AZI2: variants seen among roughly 807,000 people sequenced by gnomAD.
AZI2 encodes 5-azacytidine induced 2, also known as 5-azacytidine-induced protein 2.
Under a neutral mutation model 45.8 loss-of-function variants are expected in AZI2, and 22 were observed. That is an observed-to-expected ratio of 0.48 (90% CI 0.34 to 0.69). The LOEUF is 0.69. Ranked by LOEUF, AZI2 falls within the 30% of genes least tolerant of loss-of-function variation. The pLI is 0.01. For synonymous variants in AZI2, 137 were observed against 156.7 expected, an observed-to-expected ratio of 0.87 and a Z score of 0.94; for missense variants, 417 against 441.5, an observed-to-expected ratio of 0.94 and a Z score of 0.50.
chr3:28,325,337 G>A (rs1340441283), intron 7 of AZI2, among the ~76,000 whole-genome samples: 1 of 151,074 alleles, frequency 6.6e-6, no homozygotes, highest in Non-Finnish European at 1.5e-5. Flanking sequence ...TTGACTTCAT[G>A]TAATTTTAGA....
At chr3:28,328,565 G>A (rs748390619) in intron 6 of AZI2, among the ~76,000 whole-genome samples, 1 of 151,020 alleles carries the variant, frequency 6.6e-6, no homozygotes, top group Non-Finnish European at 1.5e-5. Context: ...TTCTAGTAAC[G>A]TTTACAGTGC....
In AZI2 at chr3:28,323,791, TTAAG is replaced by T; in HGVS notation, c.*247_*250del. 1 of 306,174 alleles carries T rather than the reference TTAAG, an allele frequency of 3.3e-6. No homozygotes were observed. The highest frequency in any genetic ancestry group is 5.9e-6 in the Non-Finnish European group (1 of 168,210). The allele number at this position is 306,174 out of a possible 1,614,324, so 19.0% of individuals were successfully genotyped here. A position where few individuals can be genotyped will look rare whatever the true frequency, so the allele number is the denominator to read the frequency against. On this transcript the variant is annotated 3_prime_UTR_variant, in exon 8 of 8. Transcript: ENST00000479665. ...TAGAAGGCAGAGTTTTTTAAACACCTTAAGTTTACTTATTAATTAGTATAGTAGC... is the reference window on the plus strand; with the variant it reads ...TAGAAGGCAGAGTTTTTTAAACACCTTTTACTTATTAATTAGTATAGTAGC...
chr3:28,322,798 G>A lies in AZI2; in HGVS notation c.*1244C>T, dbSNP rs1559453652. Reference sequence around the variant, plus strand: ...CTAGTGAATGGCGAACATTGTCTATGTATGTATGCTATTCAGTAATACAGT... The same window carrying A: ...CTAGTGAATGGCGAACATTGTCTATATATGTATGCTATTCAGTAATACAGT... On this transcript the variant is annotated 3_prime_UTR_variant, in exon 8 of 8. Transcript: ENST00000479665. The A allele has an allele frequency of 6.6e-6, 1 of 151,442 alleles. No individual in the cohort carries two copies. The highest frequency in any genetic ancestry group is 2.4e-5 in the African/African-American group (1 of 41,262). The allele number at this position is 151,442 out of a possible 1,614,324, so 9.4% of individuals were successfully genotyped here.
At chr3:28,340,729 A>C (rs545393735) in intron 1 of AZI2, 107 bp from the exon 2 acceptor site, 6 of 862,400 alleles carry the variant, frequency 7.0e-6, no homozygotes, top group Middle Eastern at 3.6e-4. Flanking sequence ...ATGTTTAAAA[A>C]CCAGACTGCC....
rs937732691 is a variant in AZI2, at chr3:28,331,638, A to C, written c.647+731T>G. 8 of 1,204,442 alleles carry C rather than the reference A, an allele frequency of 6.6e-6. No homozygotes were observed. The African/African-American group carries it at 1.2e-4, about 19-fold the overall frequency. The allele number at this position is 1,204,442 out of a possible 1,614,324, so 74.6% of individuals were successfully genotyped here. A position where few individuals can be genotyped will look rare whatever the true frequency, so the allele number is the denominator to read the frequency against. On this transcript the variant is annotated intron_variant, in intron 6 of 7. Transcript: ENST00000479665. Reference sequence around the variant, plus strand: ...TAGAAATTGGCCTGACACAATTCACATTATTTACTTAGGTCAGTAAACTTT... The same window carrying C: ...TAGAAATTGGCCTGACACAATTCACCTTATTTACTTAGGTCAGTAAACTTT...
chr3:28,345,385 C>T (rs1433223516), intron 1 of AZI2, among the ~76,000 whole-genome samples: 2 of 152,094 alleles, frequency 1.3e-5, no homozygotes, highest in African/African-American at 4.8e-5. Context: ...TCACATTCAT[C>T]ATCTCATCAC....
chr3:28,331,677 TA>T, intron 6 of AZI2: 2 of 1,290,570 alleles, frequency 1.5e-6, no homozygotes, highest in South Asian at 2.3e-5. Flanking sequence ...AGCCAAATGA[TA>T]AAACAATGAA....
Position 28,335,244 on chromosome 3 carries a change from T to C in AZI2, c.588+1493A>G, listed in dbSNP as rs6793677. Among the ~76,000 whole-genome samples the C allele has an allele frequency of 1.6e-3, 247 of 152,156 alleles. 3 individuals are homozygous for C. Among genetic ancestry groups the C allele is most frequent in the African/African-American group, 5.6e-3 (232 of 41,566 alleles). On this transcript the variant is annotated intron_variant, in intron 5 of 7. Transcript: ENST00000479665. ...TAAGTTTCCGATTCCATGGTACTGC[T>C]TGCTACACTACAACAAAATATCTAT... is the stretch of plus-strand genomic sequence containing the variant.
chr3:28,340,664 G>T, intron 1 of AZI2, 42 bp from the exon 2 acceptor site: 1 of 1,448,410 alleles, frequency 6.9e-7, no homozygotes, highest in Non-Finnish European at 9.4e-7. Context: ...ATGTCTCACT[G>T]AATAAGTGAA....
intron 6 of AZI2, chr3:28,331,947 T>C (rs373841041): frequency 2.0e-6 from 3 of 1,532,286 alleles, no homozygotes; most frequent in African/African-American, 2.8e-5. Context: ...GTGCTACAGA[T>C]ACTCTGTCTC....
chr3:28,325,008 A>G (rs560456100), intron 7 of AZI2: 2 of 150,914 alleles, frequency 1.3e-5, no homozygotes, highest in South Asian at 4.1e-4. Flanking sequence ...ACCCAAATGA[A>G]GTTTTTATAT....
chr3:28,324,816 G>A (rs1336417370), intron 7 of AZI2: 3 of 163,714 alleles, frequency 1.8e-5, no homozygotes, highest in African/African-American at 7.2e-5. Flanking sequence ...TAAAGATCCT[G>A]TTCTTGGCTC....
intron 2 of AZI2, among the ~76,000 whole-genome samples, chr3:28,338,856 T>C (rs1241889725): frequency 6.6e-6 from 1 of 152,216 alleles, no homozygotes; most frequent in African/African-American, 2.4e-5. Flanking sequence ...ATGGTGTCTG[T>C]TTTATAACAT....
At chr3:28,327,203 G>A (rs1212175942) in intron 6 of AZI2, among the ~76,000 whole-genome samples, 2 of 151,128 alleles carry the variant, frequency 1.3e-5, no homozygotes, top group African/African-American at 4.8e-5. Context: ...AATTATAACT[G>A]ATAAGAGCTT....
intron 7 of AZI2, among the ~76,000 whole-genome samples, chr3:28,326,212 AG>A (rs1424975232): frequency 1.3e-5 from 2 of 151,164 alleles, no homozygotes; most frequent in East Asian, 3.9e-4. Flanking sequence ...TGGCGAAAGT[AG>A]CTACTACTAG....
At chr3:28,335,709 A>C (rs1201634959) in intron 5 of AZI2, among the ~76,000 whole-genome samples, 1 of 152,002 alleles carries the variant, frequency 6.6e-6, no homozygotes, top group Non-Finnish European at 1.5e-5. Flanking sequence ...AAGAAGTATC[A>C]GCTCCATCTA....
intron 2 of AZI2, 61 bp from the exon 3 acceptor site, chr3:28,338,676 C>A: frequency 1.4e-6 from 2 of 1,475,638 alleles, no homozygotes; most frequent in South Asian, 2.6e-5. Flanking sequence ...AAAAATAAGT[C>A]AGTGTTCTGA....
At chr3:28,347,906 G>C (rs1311966138) in intron 1 of AZI2, among the ~76,000 whole-genome samples, 1 of 152,320 alleles carries the variant, frequency 6.6e-6, no homozygotes, top group East Asian at 1.9e-4. Flanking sequence ...CTACACATAA[G>C]GCGCAAGGGT....
intron 1 of AZI2, among the ~76,000 whole-genome samples, chr3:28,345,812 A>G (rs1270947406): frequency 1.3e-5 from 2 of 152,126 alleles, no homozygotes; most frequent in Non-Finnish European, 1.5e-5. Flanking sequence ...ACTAGAAAAC[A>G]TATCTGCTGA....
Sources: allele counts gnomAD v4.1 joint callset (sites outside exome capture counted in the v4.1 genomes callset), GRCh38; gene constraint gnomAD v4.1.1; transcripts MANE v1.5; gene names NCBI Gene and HGNC (gene_info 2026-07-23, HGNC 2026-07-21).